ZNF713: variants seen among roughly 807,000 people sequenced by gnomAD.
ZNF713 encodes the protein zinc finger protein 713.
Under a neutral mutation model 28.7 loss-of-function variants are expected in ZNF713, and 21 were observed. The observed-to-expected ratio is 0.73, with a 90% CI of 0.52 to 1.05. ZNF713 has a LOEUF of 1.05. Ranked by LOEUF, ZNF713 falls within the 50% of genes least tolerant of loss-of-function variation. The pLI, the probability that ZNF713 is intolerant of heterozygous loss-of-function variation, is 0.00. For missense variants in ZNF713, 458 were observed against 532.4 expected, an observed-to-expected ratio of 0.86 and a Z score of 1.37; for synonymous variants, 167 against 178.0, an observed-to-expected ratio of 0.94 and a Z score of 0.49.
At chr7:55,897,862 C>T (rs73701174) in intron 1 of ZNF713, among the ~76,000 whole-genome samples, 1,917 of 152,240 alleles carry the variant, frequency 0.013, 50 homozygotes, top group African/African-American at 0.044. Context: ...CCGCAGAGCT[C>T]CTAAAACCCT....
intron 4 of ZNF713, among the ~76,000 whole-genome samples, chr7:55,916,746 G>A (rs1485408890): frequency 1.3e-5 from 2 of 152,190 alleles, no homozygotes; most frequent in Non-Finnish European, 2.9e-5. Flanking sequence ...AAAAGATAAA[G>A]TTGGATCTGT....
At chr7:55,912,786 T>C in intron 4 of ZNF713, 63 bp downstream of exon 4, 1 of 1,396,338 alleles carries the variant, frequency 7.2e-7, no homozygotes, top group South Asian at 1.2e-5. Context: ...ACTTTTACTT[T>C]TTCATTTCTC....
At chr7:55,895,827 C>T (rs886208247) in intron 1 of ZNF713, among the ~76,000 whole-genome samples, 1 of 152,094 alleles carries the variant, frequency 6.6e-6, no homozygotes, top group African/African-American at 2.4e-5. Context: ...TCACAACAAA[C>T]CCACAGGTAG....
intron 1 of ZNF713, among the ~76,000 whole-genome samples, chr7:55,904,356 G>A (rs1584301609): frequency 1.5e-5 from 1 of 64,764 alleles, no homozygotes; most frequent in African/African-American, 5.2e-5. Flanking sequence ...CCAGCTACTT[G>A]GGAGGCTGAA....
rs1430097880 is a variant in ZNF713, at chr7:55,941,486, G to C, written c.*1480G>C. ...AAAAAAAGTAAAATTTAAAAATAAAGGCGATGCTGTAGTGCAGCCAGTCAC... is the reference window on the plus strand; with the variant it reads ...AAAAAAAGTAAAATTTAAAAATAAACGCGATGCTGTAGTGCAGCCAGTCAC... On this transcript the variant is annotated 3_prime_UTR_variant, in exon 7 of 7. Transcript: ENST00000429591. 1 of 150,614 alleles carries C rather than the reference G, an allele frequency of 6.6e-6. No individual in the cohort carries two copies. Among genetic ancestry groups the C allele is most frequent in the Non-Finnish European group, 1.5e-5 (1 of 67,688 alleles). 9.3% of individuals were successfully genotyped at this position (150,614 alleles called of 1,614,324 possible).
rs1478850835 is a variant in ZNF713, at chr7:55,898,183, C to T, written c.-582-8070C>T. ...AAATGTTCCATGACGTTTGTCTAGA[C>T]AAAAATTTCTTGGATATGACCACAA... On this transcript the variant is annotated intron_variant, in intron 1 of 6. Coordinates refer to ENST00000429591, the MANE Select transcript of ZNF713 (RefSeq NM_182633.3). Among the ~76,000 whole-genome samples the T allele has an allele frequency of 7.2e-5, 11 of 152,138 alleles. No individual in the cohort carries two copies. In the East Asian group the frequency reaches 2.1e-3, roughly 29 times the overall value.
chr7:55,911,249 G>A (rs1247482001), intron 2 of ZNF713, among the ~76,000 whole-genome samples: 1 of 152,108 alleles, frequency 6.6e-6, no homozygotes, highest in Non-Finnish European at 1.5e-5. Flanking sequence ...AGAAAAAGAT[G>A]TATTCCTTCA....
chr7:55,927,031 A>G (rs1197470597), intron 6 of ZNF713, among the ~76,000 whole-genome samples: 4 of 152,118 alleles, frequency 2.6e-5, no homozygotes, highest in Non-Finnish European at 5.9e-5. Context: ...AATCACAGCT[A>G]CGTGGCAGGC....
rs1785788291 is a variant in ZNF713 at position 55,911,726 on chromosome 7, GTAA to G, written c.-341_-339del. 1 of 152,118 alleles carries G rather than the reference GTAA, an allele frequency of 6.6e-6. No individual in the cohort carries two copies. The allele number at this position is 152,118 out of a possible 1,614,324, so 9.4% of individuals were successfully genotyped here. On this transcript the variant is annotated 5_prime_UTR_variant, in exon 3 of 7. Transcript: ENST00000429591. Reference sequence around the variant, plus strand: ...ATGCTTTTAGGGAGGAAAAAAAAAGGTAATAACAACCTTCAAGAGCCCCTTCAT... The same window carrying G: ...ATGCTTTTAGGGAGGAAAAAAAAAGGTAACAACCTTCAAGAGCCCCTTCAT...
intron 4 of ZNF713, among the ~76,000 whole-genome samples, chr7:55,913,326 C>T (rs779592128): frequency 1.9e-4 from 29 of 151,436 alleles, no homozygotes; most frequent in East Asian, 3.9e-4. Context: ...CTCAGCCTCC[C>T]GAGTAGCTGA....
chr7:55,937,958 C>T (rs1219762857), intron 6 of ZNF713, among the ~76,000 whole-genome samples: 1 of 151,928 alleles, frequency 6.6e-6, no homozygotes, highest in African/African-American at 2.4e-5. Context: ...AATCTCAGCA[C>T]TTTGGGAGGC....
intron 6 of ZNF713, among the ~76,000 whole-genome samples, chr7:55,932,524 CAAAAAA>C (rs34793484): frequency 8.3e-6 from 1 of 120,704 alleles, no homozygotes. Context: ...GACCCTGTCT[CAAAAAA>C]AAAAAAAAAA....
intron 2 of ZNF713, among the ~76,000 whole-genome samples, chr7:55,909,510 T>C (rs1785745060): frequency 6.6e-6 from 1 of 152,234 alleles, no homozygotes; most frequent in African/African-American, 2.4e-5. Flanking sequence ...AGGATTGCTT[T>C]GGTTATTCAG....
intron 6 of ZNF713, among the ~76,000 whole-genome samples, chr7:55,936,801 G>A (rs777436728): frequency 1.3e-5 from 2 of 152,122 alleles, no homozygotes; most frequent in Non-Finnish European, 2.9e-5. Context: ...CCAAAGTAGA[G>A]ATATATCTAT....
At chr7:55,915,398 T>A (rs1785863409) in intron 4 of ZNF713, among the ~76,000 whole-genome samples, 1 of 152,188 alleles carries the variant, frequency 6.6e-6, no homozygotes, top group Non-Finnish European at 1.5e-5. Context: ...AATTATGCTT[T>A]TTATCAGCTA....
Position 55,941,390 on chromosome 7 carries a change from A to T in ZNF713, c.*1384A>T, listed in dbSNP as rs1289486948. The T allele has an allele frequency of 4.0e-5, 6 of 150,552 alleles. No individual in the cohort carries two copies. The East Asian group carries it at 1.2e-3, about 30-fold the overall frequency. 9.3% of individuals were successfully genotyped at this position (150,552 alleles called of 1,614,324 possible). On this transcript the variant is annotated 3_prime_UTR_variant, in exon 7 of 7. Coordinates refer to ENST00000429591, the MANE Select transcript of ZNF713 (RefSeq NM_182633.3). ...AGAATTGCTTGAACCCGGTAGGTGG[A>T]GGTTGCAGTGAGCCAAGATCACGCC... is the stretch of plus-strand genomic sequence containing the variant.
chr7:55,891,448 G>T (rs1785377971), intron 1 of ZNF713, among the ~76,000 whole-genome samples: 1 of 151,236 alleles, frequency 6.6e-6, no homozygotes, highest in South Asian at 2.1e-4. Flanking sequence ...TTATTTAATA[G>T]AAAAAAAATT....
At chr7:55,914,692 TG>T in intron 4 of ZNF713, among the ~76,000 whole-genome samples, 1 of 152,190 alleles carries the variant, frequency 6.6e-6, no homozygotes, top group Middle Eastern at 3.4e-3. Flanking sequence ...AGGTAGGGTT[TG>T]GAGATTAGAG....
At chr7:55,897,620 C>T (rs1785498132) in intron 1 of ZNF713, among the ~76,000 whole-genome samples, 1 of 152,056 alleles carries the variant, frequency 6.6e-6, no homozygotes, top group Non-Finnish European at 1.5e-5. Flanking sequence ...TATCTTCCCC[C>T]AGGATATTTA....
Sources: allele counts gnomAD v4.1 joint callset (sites outside exome capture counted in the v4.1 genomes callset), GRCh38; gene constraint gnomAD v4.1.1; transcripts MANE v1.5; gene names NCBI Gene and HGNC (gene_info 2026-07-23, HGNC 2026-07-21).